TNFSF13B: variants seen among roughly 807,000 people sequenced by gnomAD.
TNFSF13B encodes TNF superfamily member 13b.
A neutral mutation model predicts 29.1 loss-of-function variants in TNFSF13B; 8 were observed. The observed-to-expected ratio is 0.27, with a 90% CI of 0.16 to 0.50. TNFSF13B has a LOEUF of 0.50. TNFSF13B is among the 20% of genes least tolerant of loss of function. TNFSF13B has a pLI of 0.98. For synonymous variants in TNFSF13B, 125 were observed against 130.8 expected (o/e 0.96, Z 0.30); for missense variants, 248 against 334.9 (o/e 0.74, Z 2.03).
At position 108,307,196 on chromosome 13, in the gene TNFSF13B, G is replaced by A. The variant is rs978340171; in HGVS notation, c.*258G>A. On this transcript the variant is annotated 3_prime_UTR_variant, in exon 6 of 6. Coordinates refer to ENST00000375887, the MANE Select transcript of TNFSF13B (RefSeq NM_006573.5). ...TTTAGGGAAAGATAGAACTAGAAAG[G>A]CTTTTCATTATAATTCCATGTTGAA... 1.5e-5 allele frequency: 5 copies of A among 331,060 alleles called. No individual in the cohort carries two copies. Among genetic ancestry groups the A allele is most frequent in the African/African-American group, 2.2e-5 (1 of 45,308 alleles). The allele number at this position is 331,060 out of a possible 1,614,324, so 20.5% of individuals were successfully genotyped here. A position where few individuals can be genotyped will look rare whatever the true frequency, so the allele number is the denominator to read the frequency against.
chr13:108,278,587 C>T (rs1214552504), intron 2 of TNFSF13B, among the ~76,000 whole-genome samples: 3 of 122,922 alleles, frequency 2.4e-5, no homozygotes, highest in African/African-American at 9.4e-5. Flanking sequence ...TCTCCTCCTC[C>T]TCCCCTTCTC....
At chr13:108,305,617 C>T (rs1349208339) in intron 5 of TNFSF13B, among the ~76,000 whole-genome samples, 1 of 152,118 alleles carries the variant, frequency 6.6e-6, no homozygotes, top group African/African-American at 2.4e-5. Flanking sequence ...ATTCTTACTA[C>T]TTAAGGTAGT....
At chr13:108,287,745 G>C (rs1021403827) in intron 3 of TNFSF13B, among the ~76,000 whole-genome samples, 2 of 151,972 alleles carry the variant, frequency 1.3e-5, no homozygotes, top group African/African-American at 4.8e-5. Context: ...TCAAATTATT[G>C]CTTGATAATT....
At chr13:108,288,460 A>G (rs1283178485) in intron 3 of TNFSF13B, among the ~76,000 whole-genome samples, 1 of 152,220 alleles carries the variant, frequency 6.6e-6, no homozygotes, top group Non-Finnish European at 1.5e-5. Context: ...CTAGCCTACC[A>G]TAAATGTGCT....
intron 3 of TNFSF13B, among the ~76,000 whole-genome samples, chr13:108,295,234 G>A (rs1293902584): frequency 6.9e-6 from 1 of 145,412 alleles, no homozygotes; most frequent in Admixed American, 6.8e-5. Context: ...GAGTGCAATG[G>A]TGCGATCTCG....
chr13:108,293,338 A>G (rs1215177556), intron 3 of TNFSF13B, among the ~76,000 whole-genome samples: 1 of 152,146 alleles, frequency 6.6e-6, no homozygotes, highest in Non-Finnish European at 1.5e-5. Context: ...GTTATAGTAA[A>G]TTTTGAAATT....
chr13:108,280,984 C>G (rs1407236695), intron 2 of TNFSF13B, among the ~76,000 whole-genome samples: 1 of 152,128 alleles, frequency 6.6e-6, no homozygotes, highest in Admixed American at 6.5e-5. Flanking sequence ...AGGTAGCTCA[C>G]ACCTCTAATG....
chr13:108,284,059 A>G (rs1008154100), intron 2 of TNFSF13B, among the ~76,000 whole-genome samples: 26 of 152,302 alleles, frequency 1.7e-4, no homozygotes, highest in African/African-American at 9.6e-5. Flanking sequence ...GGCCGGGCGC[A>G]GTGGCTCACG....
chr13:108,296,277 G>A lies in TNFSF13B; in HGVS notation c.482-6976G>A, dbSNP rs1167143826. Among the ~76,000 whole-genome samples the A allele has an allele frequency of 1.4e-5, 2 of 145,820 alleles. 1 individual carries two copies. The highest frequency in any genetic ancestry group is 5.1e-5 in the African/African-American group (2 of 38,900). ...TGCTTATATCTTGAGGTTCTGTTGA[G>A]TGATGTTTATAATTATTAGGTATTC... On this transcript the variant is annotated intron_variant, in intron 3 of 5. Transcript: ENST00000375887.
intron 3 of TNFSF13B, among the ~76,000 whole-genome samples, chr13:108,289,154 C>T (rs760043726): frequency 6.6e-6 from 1 of 152,132 alleles, no homozygotes; most frequent in African/African-American, 2.4e-5. Flanking sequence ...TTACTTTACA[C>T]ATCTCTCCCC....
At chr13:108,295,513 C>CTACCTTCTTTATTAT (rs1435572542) in intron 3 of TNFSF13B, among the ~76,000 whole-genome samples, 2 of 144,996 alleles carry the variant, frequency 1.4e-5, no homozygotes, top group South Asian at 4.3e-4. Context: ...TTTATTCCAT[C>CTACCTTCTTTATTAT]TACCTTCTTT....
intron 3 of TNFSF13B, among the ~76,000 whole-genome samples, chr13:108,300,354 A>G (rs551423742): frequency 2.6e-5 from 4 of 152,302 alleles, no homozygotes; most frequent in Admixed American, 2.6e-4. Flanking sequence ...AGGGAACCAA[A>G]CATAAATGGC....
chr13:108,295,702 T>G (rs1444039619), intron 3 of TNFSF13B, among the ~76,000 whole-genome samples: 2 of 145,896 alleles, frequency 1.4e-5, no homozygotes, highest in African/African-American at 5.2e-5. Context: ...CTACTTTCAC[T>G]GCTTCCTATG....
At chr13:108,304,806 T>G (rs1881724261) in intron 5 of TNFSF13B, among the ~76,000 whole-genome samples, 1 of 152,192 alleles carries the variant, frequency 6.6e-6, no homozygotes, top group Non-Finnish European at 1.5e-5. Context: ...GATGTCATTC[T>G]GGATCTGCAG....
In TNFSF13B at chr13:108,307,923, A is replaced by G. The variant is rs1487191138; in HGVS notation, c.*985A>G. 6.6e-6 allele frequency: 1 copy of G among 152,086 alleles called. No individual in the cohort carries two copies. 9.4% of individuals were successfully genotyped at this position (152,086 alleles called of 1,614,324 possible). On this transcript the variant is annotated 3_prime_UTR_variant, in exon 6 of 6. Coordinates refer to ENST00000375887, the MANE Select transcript of TNFSF13B (RefSeq NM_006573.5). ...TTATAGAAGTTGAGTTTTAATTAAA[A>G]TTCTTGGCATCCTGAAGTATGTCAC...
chr13:108,273,573 T>C (rs1330303173), intron 2 of TNFSF13B, among the ~76,000 whole-genome samples: 1 of 152,206 alleles, frequency 6.6e-6, no homozygotes, highest in Non-Finnish European at 1.5e-5. Context: ...AATAATTTCA[T>C]AGCCACCTCC....
intron 3 of TNFSF13B, among the ~76,000 whole-genome samples, chr13:108,300,351 C>A (rs890701241): frequency 1.3e-5 from 2 of 152,092 alleles, no homozygotes; most frequent in African/African-American, 2.4e-5. Flanking sequence ...GACAGGGAAC[C>A]AAACATAAAT....
chr13:108,289,605 A>T (rs1355673805), intron 3 of TNFSF13B, among the ~76,000 whole-genome samples: 1 of 147,860 alleles, frequency 6.8e-6, no homozygotes, highest in Admixed American at 6.8e-5. Context: ...TATATATAAT[A>T]ATATATTATT....
intron 3 of TNFSF13B, among the ~76,000 whole-genome samples, chr13:108,294,437 C>T (rs1881410918): frequency 6.6e-6 from 1 of 152,208 alleles, no homozygotes; most frequent in East Asian, 1.9e-4. Context: ...GCCTCAGCCT[C>T]CCAAAGTGTT....
Sources: gnomAD v4.1 joint callset for allele counts (sites outside exome capture counted in the v4.1 genomes callset) on GRCh38, gnomAD v4.1.1 for gene constraint, MANE v1.5 for transcripts, NCBI Gene and HGNC (gene_info 2026-07-23, HGNC 2026-07-21) for gene names.